Variants in KCTD8 observed in about 807,000 individuals in gnomAD.
The protein encoded by KCTD8 is potassium channel tetramerization domain containing 8.
KCTD8 carries 27 observed loss-of-function variants against 31.5 expected under a neutral mutation model. That is an observed-to-expected ratio of 0.86 (90% CI 0.63 to 1.18). The LOEUF (loss-of-function observed/expected upper bound fraction) is 1.18. KCTD8 is among the 50% of genes most tolerant of loss of function. KCTD8 has a pLI of 0.00. For synonymous variants in KCTD8, 290 were observed against 280.0 expected (o/e 1.04, Z -0.36); for missense variants, 658 against 647.7 (o/e 1.02, Z -0.17).
At chr4:44,288,962 A>AT (rs1188522650) in intron 1 of KCTD8, among the ~76,000 whole-genome samples, 1 of 151,518 alleles carries the variant, frequency 6.6e-6, no homozygotes, top group African/African-American at 2.4e-5. Flanking sequence ...AAAGGATTCA[A>AT]TTTTTTAAAA....
rs540380957 is a variant in KCTD8, at chr4:44,332,900, A to G, written c.961+114663T>C. On this transcript the variant is annotated intron_variant, in intron 1 of 1. Coordinates refer to ENST00000360029, the MANE Select transcript of KCTD8 (RefSeq NM_198353.3). Reference sequence around the variant, plus strand: ...TCTGTTGATGTCAGTTGTGACAACCAAAAATGTTTACAGGCATTGTCAAAT... The same window carrying G: ...TCTGTTGATGTCAGTTGTGACAACCGAAAATGTTTACAGGCATTGTCAAAT... Among the ~76,000 whole-genome samples, 8 of 152,202 alleles carry G rather than the reference A, an allele frequency of 5.3e-5. No homozygotes were observed. In the South Asian group the frequency reaches 8.3e-4, roughly 16 times the overall value.
At chr4:44,244,063 C>A (rs1715580781) in intron 1 of KCTD8, among the ~76,000 whole-genome samples, 1 of 152,140 alleles carries the variant, frequency 6.6e-6, no homozygotes, top group South Asian at 2.1e-4. Flanking sequence ...AATGTCCACA[C>A]AATATTGTGA....
At chr4:44,313,480 C>G (rs893737196) in intron 1 of KCTD8, among the ~76,000 whole-genome samples, 2 of 152,110 alleles carry the variant, frequency 1.3e-5, no homozygotes, top group Non-Finnish European at 2.9e-5. Context: ...TTTGAGGCAA[C>G]AAGAGCTTCT....
intron 1 of KCTD8, among the ~76,000 whole-genome samples, chr4:44,444,766 GC>G (rs1195061205): frequency 6.8e-6 from 1 of 147,426 alleles, no homozygotes; most frequent in Non-Finnish European, 1.5e-5. Flanking sequence ...CCCCTCTACT[GC>G]AGAAACTCAG....
At chr4:44,368,433 G>C (rs1405118850) in intron 1 of KCTD8, among the ~76,000 whole-genome samples, 1 of 151,930 alleles carries the variant, frequency 6.6e-6, no homozygotes, top group Admixed American at 6.6e-5. Flanking sequence ...ATCAAATTCT[G>C]TATGAGCCAT....
chr4:44,266,880 C>T (rs1214971008), intron 1 of KCTD8, among the ~76,000 whole-genome samples: 1 of 151,480 alleles, frequency 6.6e-6, no homozygotes, highest in Non-Finnish European at 1.5e-5. Flanking sequence ...ACAGGAGCAC[C>T]CAGATTCATA....
intron 1 of KCTD8, among the ~76,000 whole-genome samples, chr4:44,248,870 C>A (rs1246852094): frequency 2.0e-5 from 3 of 151,822 alleles, no homozygotes; most frequent in African/African-American, 7.3e-5. Flanking sequence ...TCTGGAGAAC[C>A]TGCCTCAAAC....
intron 1 of KCTD8, among the ~76,000 whole-genome samples, chr4:44,312,276 G>A (rs1196710744): frequency 6.6e-6 from 1 of 151,794 alleles, no homozygotes; most frequent in Non-Finnish European, 1.5e-5. Context: ...TTTTAAGTCA[G>A]GTAACTTACT....
chr4:44,235,922 G>A (rs1267185355), intron 1 of KCTD8, among the ~76,000 whole-genome samples: 1 of 152,038 alleles, frequency 6.6e-6, no homozygotes, highest in East Asian at 1.9e-4. Context: ...TGATTGAGTA[G>A]AGGTTAATTA....
chr4:44,295,736 A>G (rs1717410394), intron 1 of KCTD8, among the ~76,000 whole-genome samples: 1 of 152,174 alleles, frequency 6.6e-6, no homozygotes. Flanking sequence ...TTATAGTTGC[A>G]TAAATCCATT....
intron 1 of KCTD8, among the ~76,000 whole-genome samples, chr4:44,356,964 A>G (rs560037618): frequency 1.3e-5 from 2 of 152,256 alleles, no homozygotes; most frequent in Non-Finnish European, 2.9e-5. Context: ...ATATTTTGAA[A>G]ACTGTAACAT....
intron 1 of KCTD8, among the ~76,000 whole-genome samples, chr4:44,308,260 C>T (rs1717858657): frequency 6.6e-6 from 1 of 151,852 alleles, no homozygotes; most frequent in Non-Finnish European, 1.5e-5. Flanking sequence ...ATAGTATAAT[C>T]AATCATTCAA....
chr4:44,181,579 G>C (rs987186666), intron 1 of KCTD8, among the ~76,000 whole-genome samples: 1 of 152,136 alleles, frequency 6.6e-6, no homozygotes, highest in South Asian at 2.1e-4. Context: ...GTGCAGTGGC[G>C]TGATCTCGGC....
intron 1 of KCTD8, among the ~76,000 whole-genome samples, chr4:44,332,584 T>C (rs1577620621): frequency 6.6e-6 from 1 of 152,120 alleles, no homozygotes; most frequent in East Asian, 1.9e-4. Flanking sequence ...ATTTTACTTC[T>C]TACAAAGCAT....
chr4:44,258,593 G>T (rs1716064918), intron 1 of KCTD8, among the ~76,000 whole-genome samples: 1 of 151,710 alleles, frequency 6.6e-6, no homozygotes, highest in Admixed American at 6.6e-5. Context: ...CTTTAATGTG[G>T]TATATTTGCT....
At position 44,174,380 on chromosome 4, in the gene KCTD8, C is replaced by T. The variant is rs1577808637; in HGVS notation, c.*410G>A. The T allele has an allele frequency of 3.2e-5, 5 of 156,658 alleles. No homozygotes were observed. The highest frequency in any genetic ancestry group is 2.0e-4 in the South Asian group (1 of 4,888). 9.7% of individuals were successfully genotyped at this position (156,658 alleles called of 1,614,324 possible). On this transcript the variant is annotated 3_prime_UTR_variant, in exon 2 of 2. Transcript: ENST00000360029. ...CTTTAGATTTGGGTCCTATAGCCAT[C>T]GTCTAAAATTTTACTTGATGTTGCT...
intron 1 of KCTD8, among the ~76,000 whole-genome samples, chr4:44,262,996 A>G (rs1716227803): frequency 6.6e-6 from 1 of 152,182 alleles, no homozygotes; most frequent in Non-Finnish European, 1.5e-5. Context: ...TCATAATAGA[A>G]GATCAGCTTA....
At chr4:44,359,959 T>C (rs995937272) in intron 1 of KCTD8, among the ~76,000 whole-genome samples, 1 of 152,050 alleles carries the variant, frequency 6.6e-6, no homozygotes, top group Non-Finnish European at 1.5e-5. Context: ...TAGGGTTAAA[T>C]ACACAGTTAT....
intron 1 of KCTD8, among the ~76,000 whole-genome samples, chr4:44,264,023 T>C (rs988335972): frequency 4.6e-5 from 7 of 152,214 alleles, no homozygotes; most frequent in African/African-American, 1.7e-4. Flanking sequence ...AAGTAAGTTA[T>C]CTCCTTTTGC....
Sources: gnomAD v4.1 joint callset for allele counts (sites outside exome capture counted in the v4.1 genomes callset) on GRCh38, gnomAD v4.1.1 for gene constraint, MANE v1.5 for transcripts, NCBI Gene and HGNC (gene_info 2026-07-23, HGNC 2026-07-21) for gene names.